RPS6: variants seen among roughly 807,000 people sequenced by gnomAD.
The protein encoded by RPS6 is ribosomal protein S6.
RPS6 carries 1 observed loss-of-function variant against 27.1 expected under a neutral mutation model. The ratio of observed to expected loss-of-function variants is 0.04; its 90% confidence interval spans 0.01 to 0.18. The LOEUF (loss-of-function observed/expected upper bound fraction) is 0.18. Ranked by LOEUF, RPS6 falls within the 10% of genes least tolerant of loss-of-function variation. RPS6 has a pLI of 1.00. For missense variants in RPS6, 259 were observed against 319.1 expected (o/e 0.81, Z 1.44); for synonymous variants, 152 against 106.0 (o/e 1.43, Z -2.66).
In RPS6 at chr9:19,376,480, C is replaced by T. The variant is rs768590513; in HGVS notation, c.654+14G>A. The T allele has an allele frequency of 1.2e-6, 2 of 1,612,862 alleles. No individual in the cohort carries two copies. The highest frequency in any genetic ancestry group is 1.7e-6 in the Non-Finnish European group (2 of 1,179,448). On this transcript the variant is annotated intron_variant, in intron 5 of 5. Coordinates refer to ENST00000380394, the MANE Select transcript of RPS6 (RefSeq NM_001010.3). ...TCGAACTCCTCCCACCCCCTCAAAT[C>T]ATCTTAGACTAACCTTCATTCTCTT...
At chr9:19,379,410 C>A in intron 2 of RPS6, 77 bp downstream of exon 2, 1 of 1,589,650 alleles carries the variant, frequency 6.3e-7, no homozygotes, top group Non-Finnish European at 8.6e-7. Context: ...GGAGTCTGAA[C>A]CCCATTCCAA....
rs1466018356 is a variant in RPS6, at chr9:19,376,383, A to G, written c.660T>C (p.Ala220=). ...CAATTTGTTCCTGGCGCTTCTCCTT[A>G]GCCTCCTAAACAAAACAAAACAGCA... The part of the protein sequence containing the change: ...AKLLAKRMKE[A]KEKRQEQIAK... The change falls in exon 6 of 6, where the codon GCT becomes GCC. Residue 220 remains alanine (A), a synonymous_variant. Transcript: ENST00000380394. 1 of 1,614,168 alleles carries G rather than the reference A, an allele frequency of 6.2e-7. No homozygotes were observed. Among genetic ancestry groups the G allele is most frequent in the South Asian group, 1.1e-5 (1 of 91,076 alleles).
intron 1 of RPS6, 194 bp from the exon 2 acceptor site, chr9:19,379,812 G>T (rs563637618): frequency 2.8e-6 from 4 of 1,431,594 alleles, no homozygotes; most frequent in Non-Finnish European, 3.6e-6. Flanking sequence ...CACTCAGCAG[G>T]ACGTTTTCCC....
In RPS6 at chr9:19,380,231, A is replaced by G. The variant is rs770389372; in HGVS notation, c.-36T>C. On this transcript the variant is annotated 5_prime_UTR_variant, in exon 1 of 6. Coordinates refer to ENST00000380394, the MANE Select transcript of RPS6 (RefSeq NM_001010.3). ...CTGAACGCCTCCGAGGCGCCACGGA[A>G]AAGAGGGCCAACTTCCGCTTAGCGC... 5 of 1,610,130 alleles carry G rather than the reference A, an allele frequency of 3.1e-6. No individual in the cohort carries two copies. The Admixed American group carries it at 6.7e-5, about 21-fold the overall frequency.
intron 4 of RPS6, 58 bp downstream of exon 4, chr9:19,378,310 C>T: frequency 1.3e-6 from 2 of 1,557,738 alleles, no homozygotes; most frequent in Non-Finnish European, 1.8e-6. Context: ...GATATGCACA[C>T]AAAATGATAG....
chr9:19,376,661 C>T lies in RPS6; in HGVS notation c.497-10G>A, dbSNP rs757626921. On this transcript the variant is annotated splice_polypyrimidine_tract_variant and intron_variant, in intron 4 of 5. Transcript: ENST00000380394. ...GTCCTAGGTTTCTTACCTAAAAATTCAAAGGACTCAATCATTTCAATATTT... is the reference window on the plus strand; with the variant it reads ...GTCCTAGGTTTCTTACCTAAAAATTTAAAGGACTCAATCATTTCAATATTT... The T allele has an allele frequency of 3.8e-6, 6 of 1,597,116 alleles. No individual in the cohort carries two copies. The highest frequency in any genetic ancestry group is 1.1e-5 in the South Asian group (1 of 87,464).
chr9:19,379,019 AATTATGAAAACC>A, intron 2 of RPS6, 101 bp from the exon 3 acceptor site: 1 of 1,176,164 alleles, frequency 8.5e-7, no homozygotes, highest in Admixed American at 2.6e-5. Flanking sequence ...GAGAAAGTAT[AATTATGAAAACC>A]AATTTGAACT....
chr9:19,377,793 A>G (rs1184760815), intron 4 of RPS6, among the ~76,000 whole-genome samples: 2 of 152,104 alleles, frequency 1.3e-5, no homozygotes, highest in Non-Finnish European at 2.9e-5. Context: ...AATTCTCACA[A>G]CTCTTAACTA....
rs756983352 is a variant in RPS6 at position 19,380,183 on chromosome 9, C to T, written c.6+7G>A. The T allele has an allele frequency of 2.7e-5, 43 of 1,614,046 alleles. No individual in the cohort carries two copies. The highest frequency in any genetic ancestry group is 3.6e-5 in the Non-Finnish European group (42 of 1,180,030). On this transcript the variant is annotated splice_region_variant and intron_variant, in intron 1 of 5. Transcript: ENST00000380394. The stretch of plus-strand genomic sequence containing the variant: ...AACCCAGTCTAACACTCGCCACCAT[C>T]ACCTACCTTCATCTTGAAGCAGCTG...
chr9:19,379,482 T>G lies in RPS6; in HGVS notation c.138+5A>C, dbSNP rs774463196. ...AAATACCTGCAACAATTTGTCAACT[T>G]TTACCTTCCATTCTTCACCCAGAGC... On this transcript the variant is annotated splice_donor_5th_base_variant and intron_variant, in intron 2 of 5. Coordinates refer to ENST00000380394, the MANE Select transcript of RPS6 (RefSeq NM_001010.3). 4 of 1,614,146 alleles carry G rather than the reference T, an allele frequency of 2.5e-6. No individual in the cohort carries two copies.
intron 4 of RPS6, among the ~76,000 whole-genome samples, chr9:19,377,341 G>T (rs992173799): frequency 6.7e-6 from 1 of 150,290 alleles, no homozygotes; most frequent in African/African-American, 2.5e-5. Context: ...GTATTATACG[G>T]ATTATTTCCA....
At chr9:19,380,075 G>A (rs1006386680) in intron 1 of RPS6, 115 bp downstream of exon 1, 4 of 1,611,092 alleles carry the variant, frequency 2.5e-6, no homozygotes, top group Middle Eastern at 1.7e-4. Flanking sequence ...TCCTACTTGA[G>A]ACCCTTCTCC....
intron 1 of RPS6, chr9:19,379,932 G>A: frequency 2.1e-6 from 3 of 1,433,548 alleles, no homozygotes; most frequent in Non-Finnish European, 2.7e-6. Flanking sequence ...CCGCAAACTG[G>A]GCAACACGCC....
At position 19,379,025 on chromosome 9, in the gene RPS6, G is replaced by A. The variant is rs569984161; in HGVS notation, c.139-107C>T. 9.6e-6 allele frequency: 11 copies of A among 1,142,270 alleles called. No individual in the cohort carries two copies. In the East Asian group the frequency reaches 2.1e-4, roughly 21 times the overall value. 70.8% of individuals were successfully genotyped at this position (1,142,270 alleles called of 1,614,324 possible). On this transcript the variant is annotated intron_variant, in intron 2 of 5. Transcript: ENST00000380394. ...CACCTATATGAGAAAGTATAATTAT[G>A]AAAACCAATTTGAACTTAAGCACGT...
At chr9:19,376,428 GGTTA>G in intron 5 of RPS6, 40 bp from the exon 6 acceptor site, 1 of 1,612,616 alleles carries the variant, frequency 6.2e-7, no homozygotes, top group Non-Finnish European at 8.5e-7. Context: ...GGCCTTTCTG[GGTTA>G]AAGACGCAAA....
At chr9:19,378,617 G>A in intron 3 of RPS6, 91 bp downstream of exon 3, 1 of 1,564,092 alleles carries the variant, frequency 6.4e-7, no homozygotes, top group Non-Finnish European at 8.8e-7. Context: ...AAATCCATTG[G>A]TCTGTAAGTC....
rs778760361 is a variant in RPS6, at chr9:19,377,391, GCT to G, written c.497-742_497-741del. On this transcript the variant is annotated intron_variant, in intron 4 of 5. Coordinates refer to ENST00000380394, the MANE Select transcript of RPS6 (RefSeq NM_001010.3). ...GGCAACTGCCACCTATTTGTCAATT[GCT>G]TTTTTTTTTTTTTTTGCAACATCAG... Among the ~76,000 whole-genome samples, 10 of 128,196 alleles carry G rather than the reference GCT, an allele frequency of 7.8e-5. No homozygotes were observed. In the South Asian group the frequency reaches 2.2e-3, roughly 28 times the overall value. The allele number at this position is 128,196 out of a possible 152,430, so 84.1% of individuals were successfully genotyped here. A position where few individuals can be genotyped will look rare whatever the true frequency, so the allele number is the denominator to read the frequency against.
intron 1 of RPS6, 173 bp downstream of exon 1, chr9:19,380,017 G>T: frequency 6.6e-7 from 1 of 1,511,460 alleles, no homozygotes; most frequent in Admixed American, 2.3e-5. Flanking sequence ...GCAATCGCCT[G>T]CCATCCGTTC....
At chr9:19,379,852 G>C (rs1829650034) in intron 1 of RPS6, 1 of 1,424,018 alleles carries the variant, frequency 7.0e-7, no homozygotes, top group Non-Finnish European at 9.1e-7. Context: ...CTCTGGGGGC[G>C]AGGGCACTCC....
Sources: gnomAD v4.1 joint callset for allele counts (sites outside exome capture counted in the v4.1 genomes callset) on GRCh38, gnomAD v4.1.1 for gene constraint, MANE v1.5 for transcripts, NCBI Gene and HGNC (gene_info 2026-07-23, HGNC 2026-07-21) for gene names.